DOCK2: variants seen among roughly 807,000 people sequenced by gnomAD.
The protein encoded by DOCK2 is dedicator of cytokinesis protein 2.
In DOCK2, 87 loss-of-function variants were observed where a neutral mutation model predicts 248.9. The observed-to-expected ratio is 0.35, with a 90% confidence interval of 0.29 to 0.42. DOCK2 has a LOEUF of 0.42. Ranked by LOEUF, DOCK2 falls within the 10% of genes least tolerant of loss-of-function variation. The pLI, the probability that DOCK2 is intolerant of heterozygous loss-of-function variation, is 1.00. For missense variants in DOCK2, 1,747 were observed against 2,300.2 expected (o/e 0.76, Z 4.92); for synonymous variants, 805 against 821.6 (o/e 0.98, Z 0.35).
At position 169,945,269 on chromosome 5, in the gene DOCK2, C is replaced by T. The variant is rs373431529; in HGVS notation, c.2800-37799C>T. On this transcript the variant is annotated intron_variant, in intron 27 of 51. Transcript: ENST00000520908. Reference sequence around the variant, plus strand: ...TCATTCATACAACGGGTCAATAATACCATACTAACGCCTTAGCAGGCATAT... The same window carrying T: ...TCATTCATACAACGGGTCAATAATATCATACTAACGCCTTAGCAGGCATAT... Among the ~76,000 whole-genome samples, 276 of 152,368 alleles carry T rather than the reference C, an allele frequency of 1.8e-3. 6 individuals carry two copies. The South Asian group carries it at 0.048, about 27-fold the overall frequency.
At chr5:170,028,079 C>A (rs1581538504) in intron 34 of DOCK2, 131 bp downstream of exon 34, 1 of 648,302 alleles carries the variant, frequency 1.5e-6, no homozygotes, top group Non-Finnish European at 2.4e-6. Flanking sequence ...TGGGTATTGG[C>A]AAAACTCCAT....
chr5:169,688,462 C>T (rs59351937), intron 8 of DOCK2, among the ~76,000 whole-genome samples: 4,352 of 152,242 alleles, frequency 0.029, 193 homozygotes, highest in African/African-American at 0.099. Context: ...TTATTTGAAA[C>T]GCTTGGGACC....
At chr5:169,985,598 G>C (rs1778048174) in intron 28 of DOCK2, among the ~76,000 whole-genome samples, 1 of 152,144 alleles carries the variant, frequency 6.6e-6, no homozygotes, top group Non-Finnish European at 1.5e-5. Context: ...GGAATTAATA[G>C]TGCTTTATTT....
intron 41 of DOCK2, among the ~76,000 whole-genome samples, chr5:170,052,588 G>A (rs1756958031): frequency 1.3e-5 from 2 of 152,142 alleles, no homozygotes; most frequent in South Asian, 4.1e-4. Flanking sequence ...AAATATGTGG[G>A]GCAGAGATGT....
chr5:169,838,112 A>G (rs1365345806), intron 26 of DOCK2, among the ~76,000 whole-genome samples: 1 of 152,176 alleles, frequency 6.6e-6, no homozygotes, highest in Non-Finnish European at 1.5e-5. Context: ...AAGGCAGAGA[A>G]AAGATCAAAA....
chr5:169,771,049 C>T (rs1304178378), intron 25 of DOCK2, among the ~76,000 whole-genome samples: 1 of 152,174 alleles, frequency 6.6e-6, no homozygotes, highest in Non-Finnish European at 1.5e-5. Context: ...GGTGGTTGTA[C>T]CAATTTACAC....
At chr5:169,779,581 T>G (rs552944069) in intron 25 of DOCK2, among the ~76,000 whole-genome samples, 1 of 152,284 alleles carries the variant, frequency 6.6e-6, no homozygotes, top group South Asian at 2.1e-4. Flanking sequence ...ACAAGATGAT[T>G]AGGTGGTGGC....
At chr5:170,018,859 T>G in intron 32 of DOCK2, 101 bp from the exon 33 acceptor site, 1 of 1,428,162 alleles carries the variant, frequency 7.0e-7, no homozygotes. Context: ...CTATTGTTTT[T>G]ACTATTATGC....
In DOCK2 at chr5:169,900,150, C is replaced by A. The variant is rs142144248; in HGVS notation, c.2799+59298C>A. On this transcript the variant is annotated intron_variant, in intron 27 of 51. Transcript: ENST00000520908. ...CAGGAACACCTCCAAGCTCTCAGAT[C>A]TAAAGGAGGAGATGGGCAGGTAATA... is the stretch of plus-strand genomic sequence containing the variant. 3.3e-3 allele frequency among the ~76,000 whole-genome samples: 504 copies of A among 152,270 alleles called. 1 individual carries two copies. The highest frequency in any genetic ancestry group is 0.01 in the Middle Eastern group (3 of 294).
At chr5:169,999,944 T>G (rs1216938401) in intron 30 of DOCK2, 1 of 152,182 alleles carries the variant, frequency 6.6e-6, no homozygotes, top group Non-Finnish European at 1.5e-5. Context: ...AGTAAGAAGC[T>G]TGGTGACTGC....
intron 25 of DOCK2, among the ~76,000 whole-genome samples, chr5:169,801,612 A>T (rs1766994775): frequency 6.6e-6 from 1 of 152,178 alleles, no homozygotes; most frequent in African/African-American, 2.4e-5. Context: ...CCAGGTGTCC[A>T]GCCCTTCTCC....
At chr5:169,846,654 AC>A (rs1770333786) in intron 27 of DOCK2, among the ~76,000 whole-genome samples, 1 of 151,456 alleles carries the variant, frequency 6.6e-6, no homozygotes, top group South Asian at 2.1e-4. Flanking sequence ...ACATATATAC[AC>A]ACACATATAT....
rs916055854 is a variant in DOCK2 at position 170,021,552 on chromosome 5, A to G, written c.3381+2444A>G. Among the ~76,000 whole-genome samples the G allele has an allele frequency of 2.1e-4, 32 of 152,174 alleles. 1 individual carries two copies. The Middle Eastern group carries it at 0.01, about 49-fold the overall frequency. Reference sequence around the variant, plus strand: ...TTTTCCTTCCCTAAAGGATTCTCGTATCTTGGTTTCTCTGTGGCATGCACC... The same window carrying G: ...TTTTCCTTCCCTAAAGGATTCTCGTGTCTTGGTTTCTCTGTGGCATGCACC... On this transcript the variant is annotated intron_variant, in intron 33 of 51. Coordinates refer to ENST00000520908, the MANE Select transcript of DOCK2 (RefSeq NM_004946.3).
chr5:169,771,475 G>A (rs1765082059), intron 25 of DOCK2, among the ~76,000 whole-genome samples: 1 of 152,080 alleles, frequency 6.6e-6, no homozygotes, highest in Non-Finnish European at 1.5e-5. Context: ...GTAGAGACAG[G>A]TTTCACCGTG....
Position 169,674,290 on chromosome 5 carries a change from C to G in DOCK2, c.322-7C>G. On this transcript the variant is annotated splice_region_variant and splice_polypyrimidine_tract_variant and intron_variant, in intron 5 of 51. Transcript: ENST00000520908. ...CAGGTAATTATGGGTTGTTTCTTGT[C>G]TCCTAGGCCAGCAAAAAGGAGCGTT... The G allele has an allele frequency of 6.2e-7, 1 of 1,613,800 alleles. No individual in the cohort carries two copies.
intron 44 of DOCK2, among the ~76,000 whole-genome samples, chr5:170,063,956 C>T (rs140909942): frequency 9.9e-5 from 15 of 152,284 alleles, no homozygotes; most frequent in African/African-American, 3.4e-4. Flanking sequence ...CTGGAACACA[C>T]ATTTAATACC....
intron 39 of DOCK2, 109 bp from the exon 40 acceptor site, chr5:170,047,401 T>C: frequency 4.9e-6 from 4 of 823,378 alleles, no homozygotes; most frequent in Non-Finnish European, 7.9e-6. Flanking sequence ...TATGTGCACA[T>C]GGCTCATTGG....
rs759586059 is a variant in DOCK2, at chr5:169,859,958, C to CTTTTTTTTTTTTTTTTTTTT, written c.2799+19123_2799+19124insTTTTTTTTTTTTTTTTTTTT. ...CTGTCGTGGTTTCTGGTGGATCCTTCTTTTTTTTTTTTTTTTTCTTTTTTT... is the reference window on the plus strand; with the variant it reads ...CTGTCGTGGTTTCTGGTGGATCCTTCTTTTTTTTTTTTTTTTTTTTTTTTTTTTTTTTTTTTTCTTTTTTT... On this transcript the variant is annotated intron_variant, in intron 27 of 51. Transcript: ENST00000520908. 4.7e-5 allele frequency among the ~76,000 whole-genome samples: 5 copies of CTTTTTTTTTTTTTTTTTTTT among 107,220 alleles called. 1 individual carries two copies. Among genetic ancestry groups the CTTTTTTTTTTTTTTTTTTTT allele is most frequent in the Non-Finnish European group, 5.4e-5 (3 of 55,564 alleles). 70.3% of individuals were successfully genotyped at this position (107,220 alleles called of 152,430 possible). A position where few individuals can be genotyped will look rare whatever the true frequency, so the allele number is the denominator to read the frequency against.
chr5:170,036,708 T>C (rs1407445353), intron 36 of DOCK2, among the ~76,000 whole-genome samples, 153 bp downstream of exon 36: 1 of 152,262 alleles, frequency 6.6e-6, no homozygotes, highest in East Asian at 1.9e-4. Context: ...TTTCTCCAGA[T>C]TCAATTCCTT....
Sources: allele counts gnomAD v4.1 joint callset (sites outside exome capture counted in the v4.1 genomes callset), GRCh38; gene constraint gnomAD v4.1.1; transcripts MANE v1.5; gene names NCBI Gene and HGNC (gene_info 2026-07-23, HGNC 2026-07-21).